The following TCEANC variants were observed in gnomAD, a reference collection of about 807,000 sequenced individuals.
TCEANC encodes transcription elongation factor A N-terminal and central domain containing.
A neutral mutation model predicts 8.7 loss-of-function variants in TCEANC; 8 were observed. The ratio of observed to expected loss-of-function variants is 0.92; its 90% CI spans 0.54 to 1.65. The LOEUF is 1.65. Ranked by LOEUF, TCEANC falls within the 40% of genes most tolerant of loss-of-function variation. The pLI is 0.00. For missense variants in TCEANC, 255 were observed against 251.9 expected, an observed-to-expected ratio of 1.01 and a Z score of -0.08; for synonymous variants, 78 against 92.9, an observed-to-expected ratio of 0.84 and a Z score of 0.92.
At chrX:13,663,084 A>T (rs1404388429) in exon 2 of TCEANC, 1 of 1,211,427 alleles carries the variant, frequency 8.3e-7, no homozygotes. Context: ...CCACAGATCA[A>T]CCCAAAGCTG....
intron 1 of TCEANC, among the ~76,000 whole-genome samples, chrX:13,655,858 A>C (rs2045920530): frequency 8.9e-6 from 1 of 112,842 alleles, no homozygotes; most frequent in Non-Finnish European, 1.9e-5. Flanking sequence ...GAGCAAAGGC[A>C]CAGAGCCGTG....
chrX:13,658,103 T>A (rs1412409766), intron 1 of TCEANC, among the ~76,000 whole-genome samples: 1 of 111,931 alleles, frequency 8.9e-6, no homozygotes, highest in Non-Finnish European at 1.9e-5. Flanking sequence ...AGCAAATCTA[T>A]ACAGACAGAA....
intron 1 of TCEANC, among the ~76,000 whole-genome samples, 197 bp from the exon 5 acceptor site, chrX:13,662,304 A>T (rs1282490240): frequency 8.9e-6 from 1 of 112,243 alleles, no homozygotes; most frequent in Non-Finnish European, 1.9e-5. Context: ...TTTCACTCGT[A>T]GGAATTAAAC....
intron 1 of TCEANC, among the ~76,000 whole-genome samples, 179 bp from the exon 3 acceptor site, chrX:13,659,473 T>C (rs2045948623): frequency 8.9e-6 from 1 of 112,173 alleles, no homozygotes; most frequent in Admixed American, 9.5e-5. Flanking sequence ...GCAAAATGAG[T>C]AAATCTATAG....
exon 2 of TCEANC, chrX:13,663,628 G>T (rs780220184): frequency 1.0e-6 from 1 of 995,328 alleles, no homozygotes; most frequent in East Asian, 3.4e-5. Context: ...CAACCCTTTT[G>T]TGCTTTTAAA....
At chrX:13,663,620 AC>A in exon 2 of TCEANC, 1 of 1,002,223 alleles carries the variant, frequency 1.0e-6, no homozygotes, top group Non-Finnish European at 1.3e-6. Flanking sequence ...TATTTGTACA[AC>A]CCTTTTGTGC....
intron 1 of TCEANC, among the ~76,000 whole-genome samples, chrX:13,661,847 A>G (rs1266299816): frequency 8.9e-6 from 1 of 112,072 alleles, no homozygotes; most frequent in African/African-American, 3.2e-5. Flanking sequence ...ATTGAGTCTG[A>G]ACCTTTCCCT....
At chrX:13,658,085 G>A (rs1352062777) in intron 1 of TCEANC, among the ~76,000 whole-genome samples, 1 of 112,117 alleles carries the variant, frequency 8.9e-6, no homozygotes, top group African/African-American at 3.2e-5. Context: ...CACATGAAAT[G>A]TCCAGACAGC....
chrX:13,664,554 T>C (rs2045999944), exon 2 of TCEANC: 1 of 122,633 alleles, frequency 8.2e-6, no homozygotes, highest in African/African-American at 3.3e-5. Context: ...TTTTTGTTTT[T>C]TCCCCCTGTG....
At chrX:13,664,637 G>A (rs913562130) in exon 2 of TCEANC, 7 of 122,605 alleles carry the variant, frequency 5.7e-5, no homozygotes, top group Non-Finnish European at 3.8e-5. Flanking sequence ...TGTTCTCAAG[G>A]ACAAGTGTCC....
chrX:13,655,087 A>G (rs2045914914), upstream of TCEANC, among the ~76,000 whole-genome samples: 1 of 111,765 alleles, frequency 8.9e-6, no homozygotes, highest in Admixed American at 9.5e-5. Context: ...TGTGTTAAGT[A>G]ATAGTAAGCA....
exon 2 of TCEANC, chrX:13,664,676 T>C (rs1195313132): frequency 8.1e-6 from 1 of 123,060 alleles, no homozygotes; most frequent in Non-Finnish European, 1.9e-5. Context: ...GTCATTAGTC[T>C]GTCAGAGGAA....
intron 1 of TCEANC, among the ~76,000 whole-genome samples, chrX:13,660,144 C>A (rs1041113304): frequency 8.9e-6 from 1 of 112,160 alleles, no homozygotes; most frequent in Non-Finnish European, 1.9e-5. Flanking sequence ...AGGAAAATAA[C>A]AAATGAAAAT....
upstream of TCEANC, among the ~76,000 whole-genome samples, chrX:13,653,942 A>T (rs1210773309): frequency 9.0e-6 from 1 of 111,701 alleles, no homozygotes; most frequent in Non-Finnish European, 1.9e-5. Flanking sequence ...ATAGGTATGC[A>T]CCTAAGCAAG....
intron 1 of TCEANC, among the ~76,000 whole-genome samples, chrX:13,660,135 G>C (rs187954395): frequency 4.1e-3 from 460 of 111,702 alleles, no homozygotes; most frequent in African/African-American, 0.013. Flanking sequence ...ATACAGAAGA[G>C]GAAAATAACA....
At chrX:13,657,933 T>C (rs1344496104) in intron 1 of TCEANC, among the ~76,000 whole-genome samples, 1 of 111,838 alleles carries the variant, frequency 8.9e-6, no homozygotes, top group Non-Finnish European at 1.9e-5. Context: ...AAATAAAATG[T>C]GGTTTATCCA....
At chrX:13,664,260 A>G (rs996872676) in exon 2 of TCEANC, 1 of 123,287 alleles carries the variant, frequency 8.1e-6, no homozygotes, top group African/African-American at 3.3e-5. Context: ...AAATAGTACC[A>G]ATTCTGACAG....
In TCEANC at chrX:13,663,398, G is replaced by A. The variant is rs748195005; in HGVS notation, c.890G>A (p.Cys297Tyr). Residue 297 changes from cysteine (C) to tyrosine (Y), a missense_variant, in exon 2 of 2, where the codon TGC becomes TAC. Cys to Tyr is a radical substitution (Grantham distance 194, BLOSUM62 -2). Coordinates refer to ENST00000380600, the Ensembl canonical transcript of TCEANC. ...GGCACACAGACAAATAAAATAAAAT[G>A]CAGACGCTGTGAGAAATACAATTGC... 37 of 1,187,854 alleles carry A rather than the reference G, an allele frequency of 3.1e-5. 1 individual carries two copies. Among genetic ancestry groups the A allele is most frequent in the South Asian group, 1.9e-5 (1 of 53,723 alleles).
At chrX:13,663,764 C>T (rs1008610778) in exon 2 of TCEANC, 1 of 388,433 alleles carries the variant, frequency 2.6e-6, no homozygotes, top group South Asian at 7.2e-5. Flanking sequence ...TATATTGTGC[C>T]TTGTGGCCAT....
Sources: allele counts gnomAD v4.1 joint callset (sites outside exome capture counted in the v4.1 genomes callset), GRCh38; gene constraint gnomAD v4.1.1; transcripts MANE v1.5; gene names NCBI Gene and HGNC (gene_info 2026-07-23, HGNC 2026-07-21).